Variants in RPH3A observed in about 807,000 individuals in gnomAD.
RPH3A encodes rabphilin-3A.
In RPH3A, 48 loss-of-function variants were observed where a neutral mutation model predicts 102.2. That is an observed-to-expected ratio of 0.47 (90% CI 0.37 to 0.60). The LOEUF (loss-of-function observed/expected upper bound fraction) is 0.60. Among genes scored for constraint, RPH3A ranks in the 20% least tolerant of loss-of-function variants. RPH3A has a pLI of 0.00. For missense variants in RPH3A, 781 were observed against 910.1 expected, an observed-to-expected ratio of 0.86 and a Z score of 1.83; for synonymous variants, 310 against 324.3, an observed-to-expected ratio of 0.96 and a Z score of 0.47.
chr12:112,842,329 A>G (rs2042160686), intron 4 of RPH3A, among the ~76,000 whole-genome samples: 2 of 151,878 alleles, frequency 1.3e-5, no homozygotes, highest in Admixed American at 6.6e-5. Flanking sequence ...ACCAAGTCCT[A>G]GAATCTACAC....
At chr12:112,673,229 T>A (rs927453609) in intron 1 of RPH3A, among the ~76,000 whole-genome samples, 1 of 152,178 alleles carries the variant, frequency 6.6e-6, no homozygotes, top group Non-Finnish European at 1.5e-5. Context: ...TGTTGTTCTC[T>A]CCTTTGAGCC....
At chr12:112,634,549 CA>C (rs59376255) in intron 1 of RPH3A, among the ~76,000 whole-genome samples, 9,676 of 103,862 alleles carry the variant, frequency 0.093, 672 homozygotes, top group African/African-American at 0.27. Flanking sequence ...GAGCAAGACT[CA>C]AAAAAAAAAA....
chr12:112,796,588 C>T (rs73425098), intron 2 of RPH3A, among the ~76,000 whole-genome samples: 2 of 152,182 alleles, frequency 1.3e-5, no homozygotes, highest in East Asian at 1.9e-4. Context: ...ATGAGTCAGT[C>T]GTTGGTGAAA....
intron 1 of RPH3A, among the ~76,000 whole-genome samples, chr12:112,671,605 A>T (rs1250131728): frequency 6.6e-6 from 1 of 152,158 alleles, no homozygotes; most frequent in Non-Finnish European, 1.5e-5. Flanking sequence ...TTACTAAAGG[A>T]AGAAGGGAAG....
intron 4 of RPH3A, among the ~76,000 whole-genome samples, chr12:112,841,149 G>A: frequency 1.1e-5 from 1 of 95,182 alleles, no homozygotes; most frequent in Non-Finnish European, 2.0e-5. Context: ...TTAAGCATGG[G>A]CAACATAACA....
chr12:112,882,698 A>G (rs1365852169), intron 15 of RPH3A, among the ~76,000 whole-genome samples: 1 of 152,192 alleles, frequency 6.6e-6, no homozygotes, highest in Admixed American at 6.5e-5. Context: ...CTCACTCCCC[A>G]GTGATGTTTG....
intron 1 of RPH3A, among the ~76,000 whole-genome samples, chr12:112,739,291 G>T (rs770630304): frequency 1.3e-5 from 2 of 152,206 alleles, no homozygotes; most frequent in Non-Finnish European, 2.9e-5. Flanking sequence ...ACACCTGCAT[G>T]AACTCAACTG....
At chr12:112,658,100 G>T (rs1207691456) in intron 1 of RPH3A, among the ~76,000 whole-genome samples, 1 of 152,118 alleles carries the variant, frequency 6.6e-6, no homozygotes, top group Non-Finnish European at 1.5e-5. Flanking sequence ...GTGAAGTAGG[G>T]CATCTCTGGA....
chr12:112,594,604 G>A (rs777731074), intron 1 of RPH3A, among the ~76,000 whole-genome samples: 11 of 152,114 alleles, frequency 7.2e-5, no homozygotes, highest in Non-Finnish European at 1.3e-4. Context: ...CCTGTGCTGG[G>A]GTCCTTGGGT....
At chr12:112,799,950 C>A (rs997657816) in intron 2 of RPH3A, among the ~76,000 whole-genome samples, 3 of 152,128 alleles carry the variant, frequency 2.0e-5, no homozygotes, top group Non-Finnish European at 4.4e-5. Flanking sequence ...TGTGAGAACC[C>A]CTGCTCTAGA....
At chr12:112,798,763 CCT>C (rs1173596212) in intron 2 of RPH3A, among the ~76,000 whole-genome samples, 2 of 151,936 alleles carry the variant, frequency 1.3e-5, no homozygotes, top group Non-Finnish European at 2.9e-5. Flanking sequence ...TTTCCCTGCC[CCT>C]GTCTCCTTAC....
At chr12:112,815,940 C>T (rs2041663818) in intron 2 of RPH3A, among the ~76,000 whole-genome samples, 1 of 152,162 alleles carries the variant, frequency 6.6e-6, no homozygotes, top group Non-Finnish European at 1.5e-5. Context: ...TTGGCTGGAC[C>T]ATGCAGGGAG....
intron 2 of RPH3A, among the ~76,000 whole-genome samples, chr12:112,797,696 ATT>A (rs553608207): frequency 2.0e-5 from 3 of 146,668 alleles, no homozygotes; most frequent in African/African-American, 7.5e-5. Context: ...GAAAAAAAAA[ATT>A]TTTTTTTTTT....
intron 4 of RPH3A, among the ~76,000 whole-genome samples, chr12:112,837,390 C>T (rs920591681): frequency 6.6e-6 from 1 of 152,190 alleles, no homozygotes; most frequent in African/African-American, 2.4e-5. Context: ...CCTTGCCTTA[C>T]CCTTATGTTT....
At chr12:112,620,443 C>T (rs896526826) in intron 1 of RPH3A, among the ~76,000 whole-genome samples, 1 of 152,198 alleles carries the variant, frequency 6.6e-6, no homozygotes, top group Non-Finnish European at 1.5e-5. Flanking sequence ...CTGGTCGTTT[C>T]CTTCCATCTC....
chr12:112,704,141 T>C (rs937186950), intron 1 of RPH3A, among the ~76,000 whole-genome samples: 7 of 151,622 alleles, frequency 4.6e-5, no homozygotes, highest in Admixed American at 1.3e-4. Context: ...CAGGCTGGAG[T>C]GCAGTGGCAT....
chr12:112,896,596 C>A, intron 21 of RPH3A, 54 bp from the exon 22 acceptor site: 3 of 1,606,192 alleles, frequency 1.9e-6, no homozygotes, highest in South Asian at 2.2e-5. Flanking sequence ...ACATTTGGGT[C>A]TAGAACGACC....
chr12:112,632,012 G>T (rs1477057120), intron 1 of RPH3A, among the ~76,000 whole-genome samples: 1 of 152,174 alleles, frequency 6.6e-6, no homozygotes, highest in African/African-American at 2.4e-5. Flanking sequence ...CATGTCATGG[G>T]AGGAACCTGG....
chr12:112,867,435 T>C (rs1037325118), intron 7 of RPH3A, among the ~76,000 whole-genome samples: 8 of 152,168 alleles, frequency 5.3e-5, no homozygotes, highest in Non-Finnish European at 8.8e-5. Context: ...CGTGTTTCAA[T>C]AACCATGTTC....
Sources: gnomAD v4.1 joint callset for allele counts (sites outside exome capture counted in the v4.1 genomes callset) on GRCh38, gnomAD v4.1.1 for gene constraint, MANE v1.5 for transcripts, NCBI Gene and HGNC (gene_info 2026-07-23, HGNC 2026-07-21) for gene names.